NOMO3: variants seen among roughly 807,000 people sequenced by gnomAD.
The protein encoded by NOMO3 is NODAL modulator 3.
NOMO3 carries 15 observed loss-of-function variants against 69.9 expected under a neutral mutation model. That is an observed-to-expected ratio of 0.21 (90% CI 0.14 to 0.33). NOMO3 has a LOEUF of 0.33. NOMO3 is among the 10% of genes least tolerant of loss of function. The pLI, the probability that NOMO3 is intolerant of heterozygous loss-of-function variation, is 1.00. For missense variants in NOMO3, 218 were observed against 761.0 expected (o/e 0.29, Z 8.39); for synonymous variants, 89 against 301.9 (o/e 0.29, Z 7.31).
At chr16:16,257,925 T>C (rs2049525215) in intron 11 of NOMO3, among the ~76,000 whole-genome samples, 1 of 140,858 alleles carries the variant, frequency 7.1e-6, no homozygotes, top group Admixed American at 6.8e-5. Flanking sequence ...TTACTCTAGA[T>C]GAGGCACTGA....
intron 15 of NOMO3, among the ~76,000 whole-genome samples, chr16:16,265,637 G>GATATAT (rs1160088009): frequency 0.016 from 675 of 42,172 alleles, 1 homozygote; most frequent in Non-Finnish European, 0.018. Context: ...GAGTTTCTCT[G>GATATAT]ATATATATAT....
chr16:16,263,413 G>A, intron 13 of NOMO3, 100 bp from the exon 14 acceptor site: 3 of 1,466,738 alleles, frequency 2.0e-6, no homozygotes, highest in Non-Finnish European at 2.7e-6. Flanking sequence ...CCTCTTAGGA[G>A]CTCAGCAGTA....
At position 16,246,645 on chromosome 16, in the gene NOMO3, T is replaced by C. The variant is rs2049418690; in HGVS notation, c.510-750T>C. Among the ~76,000 whole-genome samples the C allele has an allele frequency of 2.3e-5, 3 of 132,854 alleles. No homozygotes were observed. In the South Asian group the frequency reaches 7.3e-4, roughly 32 times the overall value. 87.2% of individuals were successfully genotyped at this position (132,854 alleles called of 152,430 possible). On this transcript the variant is annotated intron_variant, in intron 5 of 30. Coordinates refer to ENST00000399336, the MANE Select transcript of NOMO3 (RefSeq NM_001004067.4). ...AAATACCACAGAAGAAGAAATCAAA[T>C]GCGTTTTCTAGTTCATTTCACCGGA... is the stretch of plus-strand genomic sequence containing the variant.
intron 11 of NOMO3, among the ~76,000 whole-genome samples, chr16:16,260,570 G>T (rs1353752631): frequency 7.0e-6 from 1 of 142,840 alleles, no homozygotes; most frequent in African/African-American, 2.9e-5. Context: ...TTTTTTATTT[G>T]AGGCGGAGTG....
chr16:16,248,187 A>G (rs1449870145), intron 6 of NOMO3, among the ~76,000 whole-genome samples: 1 of 12,918 alleles, frequency 7.7e-5, no homozygotes, highest in Non-Finnish European at 1.6e-4. Context: ...TCTGTGTCCA[A>G]GCGAGTCTCC....
At position 16,265,131 on chromosome 16, in the gene NOMO3, G is replaced by A. The variant is rs1567565975; in HGVS notation, c.1758G>A (p.Arg586=). The A allele has an allele frequency of 6.3e-7, 1 of 1,584,070 alleles. No individual in the cohort carries two copies. The highest frequency in any genetic ancestry group is 8.5e-7 in the Non-Finnish European group (1 of 1,176,898). ...ATGACGTGTCTGCAGTTGAGTTCAG[G>A]CAGACGGGCTACATGCTGAGATGTT... ...LEDDVSAVEF[R]QTGYMLRCSL... The change falls in exon 15 of 31, where the codon AGG becomes AGA. Residue 586 remains arginine, a synonymous_variant. Transcript: ENST00000399336.
chr16:16,232,574 AG>A lies in NOMO3; in HGVS notation c.-92del, dbSNP rs973085709. On this transcript the variant is annotated 5_prime_UTR_variant, in exon 1 of 31. Coordinates refer to ENST00000399336, the MANE Select transcript of NOMO3 (RefSeq NM_001004067.4). ...GCGGTGGGGCGGGGCCTGGGCTGTC[AG>A]CCGGCCTAGGAGGAGGAAGGAGCCT... 4.2e-5 allele frequency: 46 copies of A among 1,104,194 alleles called. No individual in the cohort carries two copies. In the African/African-American group the frequency reaches 7.2e-4, roughly 17 times the overall value. 68.4% of individuals were successfully genotyped at this position (1,104,194 alleles called of 1,614,324 possible).
intron 1 of NOMO3, chr16:16,235,989 G>A (rs1452634051): frequency 6.4e-6 from 2 of 314,776 alleles, no homozygotes; most frequent in Non-Finnish European, 1.2e-5. Context: ...ATCTTACTGG[G>A]TTAACACTTC....
chr16:16,240,220 G>A (rs1230744650), intron 3 of NOMO3, among the ~76,000 whole-genome samples: 1 of 144,648 alleles, frequency 6.9e-6, no homozygotes, highest in Admixed American at 6.7e-5. Context: ...TCCCATCCCA[G>A]GATGGCTTCT....
chr16:16,249,756 T>C (rs1180689708), intron 6 of NOMO3, among the ~76,000 whole-genome samples: 1 of 143,982 alleles, frequency 6.9e-6, no homozygotes, highest in Non-Finnish European at 1.5e-5. Flanking sequence ...ATAATGTTTA[T>C]CTTCCTGGGG....
At position 16,238,526 on chromosome 16, in the gene NOMO3, A is replaced by G. The variant is rs565395942; in HGVS notation, c.256-1325A>G. ...GCTGGGATTACAGGCATGAGCCACC[A>G]TGCTCAGCCTACTGACTTCTTTTTA... On this transcript the variant is annotated intron_variant, in intron 2 of 30. Coordinates refer to ENST00000399336, the MANE Select transcript of NOMO3 (RefSeq NM_001004067.4). 3.8e-4 allele frequency among the ~76,000 whole-genome samples: 54 copies of G among 143,510 alleles called. 12 individuals carry two copies. In the East Asian group the frequency reaches 0.012, roughly 32 times the overall value. The allele number at this position is 143,510 out of a possible 152,430, so 94.1% of individuals were successfully genotyped here. A position where few individuals can be genotyped will look rare whatever the true frequency, so the allele number is the denominator to read the frequency against.
chr16:16,262,953 C>G, intron 12 of NOMO3, 121 bp from the exon 13 acceptor site: 1 of 1,490,476 alleles, frequency 6.7e-7, no homozygotes. Context: ...AGCCTGGAAA[C>G]GAACCTTTGG....
chr16:16,254,976 T>G, intron 9 of NOMO3, among the ~76,000 whole-genome samples: 1 of 143,680 alleles, frequency 7.0e-6, no homozygotes, highest in African/African-American at 2.9e-5. Context: ...AGGCTGGCAC[T>G]ATCTTGGCTC....
intron 16 of NOMO3, among the ~76,000 whole-genome samples, chr16:16,269,107 C>T (rs562628875): frequency 7.0e-6 from 1 of 143,832 alleles, no homozygotes; most frequent in Non-Finnish European, 1.5e-5. Context: ...TCTCCTCCTG[C>T]CCCTCCTAGC....
intron 11 of NOMO3, among the ~76,000 whole-genome samples, chr16:16,257,379 CAG>C (rs1444955135): frequency 6.0e-5 from 8 of 132,342 alleles, no homozygotes; most frequent in Non-Finnish European, 1.2e-4. Context: ...GTAGGGAAGT[CAG>C]GGACAGACTG....
In NOMO3 at chr16:16,237,770, G is replaced by A. The variant is rs7202667; in HGVS notation, c.255+780G>A. Among the ~76,000 whole-genome samples the A allele has an allele frequency of 3.4e-3, 490 of 143,970 alleles. 97 individuals carry two copies. The highest frequency in any genetic ancestry group is 0.013 in the African/African-American group (475 of 35,762). The allele number at this position is 143,970 out of a possible 152,430, so 94.4% of individuals were successfully genotyped here. ...TTGCCATGTTGGCTAGGCTGGTCTC[G>A]AACTCCTGACCTCAAGTGAACCACC... On this transcript the variant is annotated intron_variant, in intron 2 of 30. Coordinates refer to ENST00000399336, the MANE Select transcript of NOMO3 (RefSeq NM_001004067.4).
At chr16:16,274,259 TTGGATGGATGGATGGA>T (rs879029300) in intron 20 of NOMO3, among the ~76,000 whole-genome samples, 184 bp downstream of exon 20, 6 of 117,374 alleles carry the variant, frequency 5.1e-5, no homozygotes, top group Non-Finnish European at 8.6e-5. Flanking sequence ...GATGGTTGGG[TTGGATGGATGGATGGA>T]TGGATGGATG....
chr16:16,232,895 G>A (rs2049294525), intron 1 of NOMO3, 64 bp downstream of exon 1: 6 of 190,884 alleles, frequency 3.1e-5, no homozygotes, highest in Non-Finnish European at 4.9e-5. Flanking sequence ...TCTCTGGGCC[G>A]CGCTGGCCTC....
In NOMO3 at chr16:16,232,785, G is replaced by A; in HGVS notation, c.119G>A (p.Gly40Asp). 1.7e-6 allele frequency: 1 copy of A among 583,838 alleles called. No homozygotes were observed. Among genetic ancestry groups the A allele is most frequent in the Admixed American group, 5.6e-5 (1 of 17,872 alleles). 36.2% of individuals were successfully genotyped at this position (583,838 alleles called of 1,614,324 possible). The change falls in exon 1 of 31, where the codon GGT becomes GAT. Residue 40 changes from glycine (G) to aspartate (D), a missense_variant. Physicochemically the swap from Gly to Asp is moderately conservative, Grantham distance 94. Coordinates refer to ENST00000399336, the MANE Select transcript of NOMO3 (RefSeq NM_001004067.4). Reference protein sequence around the residue: ...HGSEDIVVGCGGFVKSDVEIN... With the variant: ...HGSEDIVVGCDGFVKSDVEIN... ...TCGGAGGACATCGTGGTGGGCTGCG[G>A]TGGCTTCGTCAAGTCGGACGTGGAG...
Sources: gnomAD v4.1 joint callset for allele counts (sites outside exome capture counted in the v4.1 genomes callset) on GRCh38, gnomAD v4.1.1 for gene constraint, MANE v1.5 for transcripts, NCBI Gene and HGNC (gene_info 2026-07-23, HGNC 2026-07-21) for gene names.